ESRRG: variants seen among roughly 807,000 people sequenced by gnomAD.
ESRRG encodes estrogen-related receptor gamma.
In ESRRG, 13 loss-of-function variants were observed where a neutral mutation model predicts 44.0. That is an observed-to-expected ratio of 0.30 (90% CI 0.19 to 0.47). ESRRG has a LOEUF of 0.47. ESRRG is among the 20% of genes least tolerant of loss of function. The pLI, the probability that ESRRG is intolerant of heterozygous loss-of-function variation, is 1.00. For synonymous variants in ESRRG, 215 were observed against 214.6 expected, an observed-to-expected ratio of 1.00 and a Z score of -0.02; for missense variants, 395 against 580.6, an observed-to-expected ratio of 0.68 and a Z score of 3.29.
intron 2 of ESRRG, among the ~76,000 whole-genome samples, chr1:216,841,935 G>T (rs922102877): frequency 6.6e-6 from 1 of 151,972 alleles, no homozygotes; most frequent in East Asian, 1.9e-4. Context: ...CCATAATCAG[G>T]TCCAGTTTTC....
intron 1 of ESRRG, among the ~76,000 whole-genome samples, chr1:216,974,648 T>C (rs1027382480): frequency 8.5e-5 from 13 of 152,206 alleles, no homozygotes; most frequent in Non-Finnish European, 1.9e-4. Context: ...ATATGTTTGG[T>C]CAATGATCTA....
chr1:217,005,998 G>A (rs2027313), intron 1 of ESRRG, among the ~76,000 whole-genome samples: 114,254 of 151,966 alleles, frequency 0.75, 43,608 homozygotes, highest in African/African-American at 0.87. Context: ...GTTCACTCTT[G>A]AAACCTAGAG....
At chr1:217,114,864 C>T (rs988696435) in intron 1 of ESRRG, among the ~76,000 whole-genome samples, 2 of 151,886 alleles carry the variant, frequency 1.3e-5, no homozygotes, top group African/African-American at 2.4e-5. Context: ...GGGGTTTCAC[C>T]ATGTCGACCA....
chr1:217,049,353 A>T (rs2151215041), intron 1 of ESRRG, among the ~76,000 whole-genome samples: 1 of 152,230 alleles, frequency 6.6e-6, no homozygotes, highest in African/African-American at 2.4e-5. Flanking sequence ...CTGGGGTACA[A>T]TTTTCTCCAT....
At chr1:216,742,891 A>G (rs140545452) in intron 2 of ESRRG, among the ~76,000 whole-genome samples, 24 of 152,214 alleles carry the variant, frequency 1.6e-4, no homozygotes, top group Non-Finnish European at 3.4e-4. Flanking sequence ...GTTTAGGGAG[A>G]TTTTACTTCA....
chr1:216,607,150 T>A lies in ESRRG; in HGVS notation c.590-39052A>T, dbSNP rs146040935. On this transcript the variant is annotated intron_variant, in intron 3 of 6. Coordinates refer to ENST00000408911, the MANE Select transcript of ESRRG (RefSeq NM_001438.4). ...CCTAGAAAGTATAAAAGAAATCTTG[T>A]CTATTCCAATGACATTCAGACTCCT... Among the ~76,000 whole-genome samples the A allele has an allele frequency of 7.2e-5, 11 of 152,294 alleles. No homozygotes were observed. The East Asian group carries it at 2.1e-3, about 29-fold the overall frequency.
At chr1:216,774,981 T>A (rs1220653437) in intron 2 of ESRRG, among the ~76,000 whole-genome samples, 2 of 151,000 alleles carry the variant, frequency 1.3e-5, no homozygotes, top group Non-Finnish European at 3.0e-5. Context: ...TTTTTTTTTT[T>A]AATTTTTAGT....
At chr1:217,099,582 C>T (rs186479529) in intron 1 of ESRRG, among the ~76,000 whole-genome samples, 87 of 152,256 alleles carry the variant, frequency 5.7e-4, no homozygotes, top group African/African-American at 1.9e-3. Context: ...CAACACCAGA[C>T]CAGGCTGAGA....
chr1:216,627,807 T>C (rs1356728467), intron 3 of ESRRG, among the ~76,000 whole-genome samples: 1 of 103,182 alleles, frequency 9.7e-6, no homozygotes, highest in East Asian at 2.7e-4. Flanking sequence ...CCAGGGACCA[T>C]TAAGAAGTTT....
chr1:216,938,969 C>A (rs748424457), intron 2 of ESRRG, among the ~76,000 whole-genome samples: 1 of 152,028 alleles, frequency 6.6e-6, no homozygotes, highest in Admixed American at 6.6e-5. Flanking sequence ...TGGATGGTAT[C>A]CTGGGAATGT....
At position 216,531,955 on chromosome 1, in the gene ESRRG, TAGA is replaced by T. The variant is rs1163290307; in HGVS notation, c.863-12537_863-12535del. Among the ~76,000 whole-genome samples the T allele has an allele frequency of 5.3e-5, 8 of 152,150 alleles. No homozygotes were observed. In the East Asian group the frequency reaches 1.4e-3, roughly 26 times the overall value. On this transcript the variant is annotated intron_variant, in intron 5 of 6. Coordinates refer to ENST00000408911, the MANE Select transcript of ESRRG (RefSeq NM_001438.4). ...CCTGCAAAAAAAACCCAGGAAATCCTAGAAGTTTTTATATCAGGTTGATTCAAG... is the reference window on the plus strand; with the variant it reads ...CCTGCAAAAAAAACCCAGGAAATCCTAGTTTTTATATCAGGTTGATTCAAG...
intron 1 of ESRRG, among the ~76,000 whole-genome samples, chr1:216,993,603 C>A (rs1010975163): frequency 6.6e-6 from 1 of 152,088 alleles, no homozygotes; most frequent in Non-Finnish European, 1.5e-5. Flanking sequence ...TGAACTCACC[C>A]GGAGATGATG....
intron 1 of ESRRG, among the ~76,000 whole-genome samples, chr1:216,717,855 T>G (rs2085250777): frequency 6.6e-6 from 1 of 151,868 alleles, no homozygotes; most frequent in African/African-American, 2.4e-5. Flanking sequence ...TGCATTTGTT[T>G]GAAAGCTATC....
At position 216,625,423 on chromosome 1, in the gene ESRRG, C is replaced by CAAAAAAAAAAAAAAAA. The variant is rs57817803; in HGVS notation, c.589+25534_589+25549dup. 1.5e-3 allele frequency among the ~76,000 whole-genome samples: 171 copies of CAAAAAAAAAAAAAAAA among 115,646 alleles called. 9 individuals are homozygous for CAAAAAAAAAAAAAAAA. Among genetic ancestry groups the CAAAAAAAAAAAAAAAA allele is most frequent in the African/African-American group, 5.5e-3 (155 of 28,200 alleles). The allele number at this position is 115,646 out of a possible 152,430, so 75.9% of individuals were successfully genotyped here. A position where few individuals can be genotyped will look rare whatever the true frequency, so the allele number is the denominator to read the frequency against. ...AAACTCTTTACTGATGCTCATTTGG[C>CAAAAAAAAAAAAAAAA]AAAAAAAAAAAAAAAAATCTATATT... On this transcript the variant is annotated intron_variant, in intron 3 of 6. Coordinates refer to ENST00000408911, the MANE Select transcript of ESRRG (RefSeq NM_001438.4).
intron 1 of ESRRG, among the ~76,000 whole-genome samples, chr1:216,697,381 T>G (rs1575452147): frequency 6.6e-6 from 1 of 152,334 alleles, no homozygotes; most frequent in East Asian, 1.9e-4. Flanking sequence ...TTTGTGAGAT[T>G]TGTTGTGATT....
intron 2 of ESRRG, among the ~76,000 whole-genome samples, chr1:216,931,599 A>G (rs1304123319): frequency 1.3e-5 from 2 of 151,938 alleles, no homozygotes; most frequent in Non-Finnish European, 2.9e-5. Flanking sequence ...AACTGGCCCA[A>G]TTGGCCCAGG....
intron 5 of ESRRG, among the ~76,000 whole-genome samples, chr1:216,528,308 C>G (rs11572811): frequency 0.2 from 29,855 of 152,084 alleles, 3,722 homozygotes; most frequent in Non-Finnish European, 0.27. Flanking sequence ...AAAGTCCTGC[C>G]TAAATTTATT....
At chr1:216,675,817 G>A (rs2076009275) in intron 2 of ESRRG, among the ~76,000 whole-genome samples, 1 of 152,196 alleles carries the variant, frequency 6.6e-6, no homozygotes, top group Non-Finnish European at 1.5e-5. Flanking sequence ...ATACAACACA[G>A]TACAGTGCAG....
intron 1 of ESRRG, among the ~76,000 whole-genome samples, chr1:217,074,259 G>A (rs373208236): frequency 1.3e-4 from 20 of 151,408 alleles, no homozygotes; most frequent in African/African-American, 3.6e-4. Context: ...ATATTGGCCC[G>A]GCCAGTCTCA....
Sources: gnomAD v4.1 joint callset for allele counts (sites outside exome capture counted in the v4.1 genomes callset) on GRCh38, gnomAD v4.1.1 for gene constraint, MANE v1.5 for transcripts, NCBI Gene and HGNC (gene_info 2026-07-23, HGNC 2026-07-21) for gene names.